The following USP36 variants were observed in gnomAD, a reference collection of about 807,000 sequenced individuals.
USP36 encodes ubiquitin carboxyl-terminal hydrolase 36.
USP36 carries 59 observed loss-of-function variants against 111.5 expected under a neutral mutation model. The observed-to-expected ratio is 0.53, with a 90% CI of 0.43 to 0.66. The LOEUF is 0.66. USP36 is among the 30% of genes least tolerant of loss of function. The pLI, the probability that USP36 is intolerant of heterozygous loss-of-function variation, is 0.00. For missense variants in USP36, 1,488 were observed against 1,468.0 expected (o/e 1.01, Z -0.22); for synonymous variants, 628 against 581.0 (o/e 1.08, Z -1.16).
intron 1 of USP36, among the ~76,000 whole-genome samples, chr17:78,839,819 C>G (rs991856289): frequency 2.8e-4 from 42 of 152,336 alleles, no homozygotes; most frequent in African/African-American, 9.4e-4. Context: ...GACGCACACA[C>G]CATCCACACT....
intron 10 of USP36, among the ~76,000 whole-genome samples, chr17:78,815,918 GCACACATACA>G (rs925145857): frequency 4.0e-5 from 6 of 151,474 alleles, no homozygotes; most frequent in Admixed American, 6.6e-5. Flanking sequence ...ACATGCATAC[GCACACATACA>G]CACACATATA....
chr17:78,832,428 T>C (rs938879728), intron 4 of USP36, among the ~76,000 whole-genome samples: 2 of 152,194 alleles, frequency 1.3e-5, no homozygotes, highest in Admixed American at 6.5e-5. Context: ...TGTTCCAAGA[T>C]AGTAAGATGC....
chr17:78,814,471 C>A lies in USP36; in HGVS notation c.1105G>T (p.Ala369Ser). The A allele has an allele frequency of 6.2e-7, 1 of 1,614,186 alleles. No individual in the cohort carries two copies. Among genetic ancestry groups the A allele is most frequent in the African/African-American group, 1.3e-5 (1 of 75,038 alleles). ...NGDPVMYGLY[A>S]VLVHSGYSCH... ...CTGTAGCCCGAGTGCACCAGGACAGCATAGAGTCCATACATGACAGGATCA... is the reference window on the plus strand; with the variant it reads ...CTGTAGCCCGAGTGCACCAGGACAGAATAGAGTCCATACATGACAGGATCA... The change falls in exon 11 of 21, where the codon GCT becomes TCT. Residue 369 changes from alanine (A) to serine (S), a missense_variant. Ala to Ser is a moderately conservative substitution (Grantham distance 99). Transcript: ENST00000449938.
Position 78,803,405 on chromosome 17 carries a change from GT to G in USP36, c.2789del (p.His930ProfsTer40). The G allele has an allele frequency of 1.2e-6, 2 of 1,613,728 alleles. No individual in the cohort carries two copies. The highest frequency in any genetic ancestry group is 1.7e-6 in the Non-Finnish European group (2 of 1,179,818). ...AEGLGEEGGLHQDPLRHSCSP... is the reference protein window; with the variant it reads ...AEGLGEEGGLXQDPLRHSCSP... ...CTTACCTGTGCCGAAGTGGGTCCTG[GT>G]GCAGGCCGCCTTCTTCACCAAGACC... On this transcript the variant is annotated frameshift_variant, in exon 16 of 21. Coordinates refer to ENST00000449938, the MANE Select transcript of USP36 (RefSeq NM_001385174.1). LOFTEE classifies it high-confidence loss of function. This position sits in a 1 kb window ranked among gnomAD's most constrained non-coding sequence, Gnocchi z 4.6.
At chr17:78,808,064 G>T (rs1171912619) in intron 13 of USP36, among the ~76,000 whole-genome samples, 2 of 152,036 alleles carry the variant, frequency 1.3e-5, no homozygotes, top group African/African-American at 4.8e-5. Context: ...TCAAGATTTG[G>T]GAAGAGAAAA....
At chr17:78,807,689 G>A (rs1245153835) in intron 13 of USP36, 53 bp from the exon 14 acceptor site, 1 of 1,487,214 alleles carries the variant, frequency 6.7e-7, no homozygotes, top group South Asian at 1.4e-5. Context: ...GTCTCAGCTG[G>A]GCCACATCTT....
chr17:78,836,022 T>C (rs2068631761), intron 3 of USP36, 89 bp downstream of exon 3: 1 of 1,539,206 alleles, frequency 6.5e-7, no homozygotes, highest in Non-Finnish European at 8.8e-7. Flanking sequence ...CATTCTCTTG[T>C]TTTTCCTACT....
chr17:78,792,585 C>CG (rs2093591990), downstream of USP36, among the ~76,000 whole-genome samples: 1 of 152,164 alleles, frequency 6.6e-6, no homozygotes, highest in African/African-American at 2.4e-5. Flanking sequence ...AATCAGAATG[C>CG]GGGGGAAGGA....
In USP36 at chr17:78,799,705, A is replaced by C. The variant is rs1309103039; in HGVS notation, c.3086T>G (p.Leu1029Arg). The C allele has an allele frequency of 9.9e-6, 16 of 1,613,016 alleles. No individual in the cohort carries two copies. Among genetic ancestry groups the C allele is most frequent in the Non-Finnish European group, 1.4e-5 (16 of 1,179,690 alleles). Reference sequence around the variant, plus strand: ...AGCTTTATCAGATGAGTATTTGAGCAGTTCCTGGACCACATCAGACTCCCG... The same window carrying C: ...AGCTTTATCAGATGAGTATTTGAGCCGTTCCTGGACCACATCAGACTCCCG... ...GERESDVVQE[L>R]LKYSSDKAYG... Residue 1029 changes from leucine to arginine, a missense_variant, in exon 18 of 21, where the codon CTG becomes CGG. Transcript: ENST00000449938.
At chr17:78,810,790 T>C (rs2094030270) in intron 13 of USP36, among the ~76,000 whole-genome samples, 1 of 152,064 alleles carries the variant, frequency 6.6e-6, no homozygotes, top group Non-Finnish European at 1.5e-5. Flanking sequence ...CAACTCTTCA[T>C]TCTAAAGGGA....
intron 1 of USP36, among the ~76,000 whole-genome samples, 200 bp from the exon 2 acceptor site, chr17:78,838,950 C>T (rs1599124459): frequency 6.6e-6 from 1 of 152,126 alleles, no homozygotes; most frequent in South Asian, 2.1e-4. Context: ...ACGATATGAA[C>T]ACCTTAACCT....
At chr17:78,802,793 A>C (rs992707036) in intron 16 of USP36, among the ~76,000 whole-genome samples, 4 of 152,176 alleles carry the variant, frequency 2.6e-5, no homozygotes, top group Non-Finnish European at 5.9e-5. Context: ...GGCTACTGTG[A>C]CCTGATGAAA....
At chr17:78,802,033 C>CG (rs371913112) in intron 17 of USP36, among the ~76,000 whole-genome samples, 16 of 152,248 alleles carry the variant, frequency 1.1e-4, no homozygotes, top group African/African-American at 3.9e-4. Flanking sequence ...ATGCAGTAGA[C>CG]GCTGCTCTCA....
At chr17:78,832,261 C>T (rs1033431338) in intron 4 of USP36, among the ~76,000 whole-genome samples, 2 of 152,342 alleles carry the variant, frequency 1.3e-5, no homozygotes, top group East Asian at 1.9e-4. Flanking sequence ...CTCCGTGCCA[C>T]GTGCACAGTG....
At chr17:78,839,419 G>C (rs1195800219) in intron 1 of USP36, among the ~76,000 whole-genome samples, 3 of 152,174 alleles carry the variant, frequency 2.0e-5, no homozygotes, top group African/African-American at 7.2e-5. Flanking sequence ...GTAAGGAAAT[G>C]ATCTCAGAAT....
chr17:78,793,990 G>A (rs1269841095), downstream of USP36, among the ~76,000 whole-genome samples: 4 of 152,214 alleles, frequency 2.6e-5, no homozygotes, highest in South Asian at 2.1e-4. Flanking sequence ...TCGGTGAGCC[G>A]CTTGCTTCCC....
chr17:78,806,341 T>G (rs2093901112), intron 14 of USP36, 55 bp from the exon 15 acceptor site: 2 of 1,598,374 alleles, frequency 1.3e-6, no homozygotes, highest in Non-Finnish European at 1.7e-6. Flanking sequence ...TTTCCGTGAG[T>G]GAAGAGGGAA....
chr17:78,817,564 G>A (rs545997903), intron 10 of USP36, among the ~76,000 whole-genome samples: 1 of 152,140 alleles, frequency 6.6e-6, no homozygotes, highest in Admixed American at 6.5e-5. Context: ...AGACCAGCCT[G>A]GCCACCATGG....
At chr17:78,805,321 G>A (rs977576609) in intron 15 of USP36, among the ~76,000 whole-genome samples, 1 of 152,116 alleles carries the variant, frequency 6.6e-6, no homozygotes, top group Admixed American at 6.6e-5. Flanking sequence ...AACACTTAAG[G>A]CCCTCCCACG....
Sources: gnomAD v4.1 joint callset for allele counts (sites outside exome capture counted in the v4.1 genomes callset) on GRCh38, gnomAD v4.1.1 for gene constraint, Gnocchi (gnomAD v3.1) non-coding constraint, MANE v1.5 for transcripts, NCBI Gene and HGNC (gene_info 2026-07-23, HGNC 2026-07-21) for gene names.